PARP11: variants seen among roughly 807,000 people sequenced by gnomAD.
PARP11 encodes protein mono-ADP-ribosyltransferase PARP11.
In PARP11, 31 loss-of-function variants were observed where a neutral mutation model predicts 42.9. The observed-to-expected ratio is 0.72, with a 90% CI of 0.54 to 0.98. PARP11 has a LOEUF of 0.98. Among genes scored for constraint, PARP11 ranks in the 50% least tolerant of loss-of-function variants. PARP11 has a pLI of 0.00. For synonymous variants in PARP11, 137 were observed against 127.3 expected (o/e 1.08, Z -0.51); for missense variants, 365 against 413.1 (o/e 0.88, Z 1.01).
At position 3,823,448 on chromosome 12, in the gene PARP11, A is replaced by G. The variant is rs77389892; in HGVS notation, c.345-1291T>C. On this transcript the variant is annotated intron_variant, in intron 4 of 7. Transcript: ENST00000228820. ...AGCTTCTTAGAGATCTTTCTGTAAC[A>G]GTGCATAGAGAGCATCATTATTCCT... Among the ~76,000 whole-genome samples, 1,018 of 152,310 alleles carry G rather than the reference A, an allele frequency of 6.7e-3. 4 individuals carry two copies. Among genetic ancestry groups the G allele is most frequent in the Non-Finnish European group, 0.011 (720 of 68,028 alleles).
At chr12:3,813,057 G>A (rs1040059856) in intron 7 of PARP11, among the ~76,000 whole-genome samples, 3 of 151,914 alleles carry the variant, frequency 2.0e-5, no homozygotes, top group Non-Finnish European at 2.9e-5. Context: ...CACCTGCCTC[G>A]ACCTCCCAAA....
intron 1 of PARP11, among the ~76,000 whole-genome samples, chr12:3,848,863 A>G (rs1948045245): frequency 6.6e-6 from 1 of 152,130 alleles, no homozygotes; most frequent in Middle Eastern, 3.2e-3. Flanking sequence ...AAGTGAAGAA[A>G]CAAGTCACAG....
At chr12:3,813,161 A>G (rs1375715842) in intron 7 of PARP11, among the ~76,000 whole-genome samples, 1 of 151,316 alleles carries the variant, frequency 6.6e-6, no homozygotes, top group Non-Finnish European at 1.5e-5. Flanking sequence ...CCACTTCCTC[A>G]CCCTGTTCCC....
intron 1 of PARP11, chr12:3,839,782 TCTG>T: frequency 8.8e-7 from 1 of 1,134,938 alleles, no homozygotes; most frequent in South Asian, 1.2e-5. Flanking sequence ...TAAAGAAAGC[TCTG>T]CTATGTGTCA....
intron 1 of PARP11, among the ~76,000 whole-genome samples, chr12:3,839,162 G>T (rs1023520654): frequency 7.1e-6 from 1 of 140,828 alleles, no homozygotes; most frequent in Admixed American, 7.0e-5. Flanking sequence ...GGCCGCCGCC[G>T]CCGCCTGCCG....
intron 7 of PARP11, among the ~76,000 whole-genome samples, chr12:3,812,652 C>T (rs575769693): frequency 5.3e-5 from 8 of 152,288 alleles, no homozygotes; most frequent in East Asian, 1.9e-4. Flanking sequence ...TTTGTTGGTA[C>T]AGACCAGTCC....
At chr12:3,868,757 C>T (rs548728872) in intron 1 of PARP11, among the ~76,000 whole-genome samples, 2 of 152,290 alleles carry the variant, frequency 1.3e-5, no homozygotes, top group South Asian at 4.1e-4. Context: ...GTCCAAGTCA[C>T]CTTCGTCTCT....
chr12:3,837,244 G>T (rs958468230), intron 1 of PARP11, among the ~76,000 whole-genome samples: 2 of 152,204 alleles, frequency 1.3e-5, no homozygotes, highest in Middle Eastern at 3.4e-3. Context: ...ACTCAGCATG[G>T]GCAGTGTCCT....
intron 1 of PARP11, chr12:3,839,353 C>A: frequency 6.5e-7 from 1 of 1,528,092 alleles, no homozygotes. Context: ...CGGCGCGGGG[C>A]CCCGCGAGGA....
chr12:3,856,338 C>T (rs1472369091), intron 1 of PARP11, among the ~76,000 whole-genome samples: 5 of 152,116 alleles, frequency 3.3e-5, no homozygotes, highest in Admixed American at 1.3e-4. Context: ...AGGCAACCTA[C>T]AGAATGGGAA....
intron 1 of PARP11, among the ~76,000 whole-genome samples, chr12:3,835,296 A>G (rs1947736018): frequency 6.6e-6 from 1 of 152,200 alleles, no homozygotes; most frequent in Non-Finnish European, 1.5e-5. Flanking sequence ...TAAGAGGGGA[A>G]AAGTCTGAGC....
chr12:3,814,525 A>C (rs1191203119), intron 6 of PARP11, among the ~76,000 whole-genome samples: 1 of 152,226 alleles, frequency 6.6e-6, no homozygotes, highest in African/African-American at 2.4e-5. Flanking sequence ...ACAACAAACA[A>C]GTAATACAAA....
intron 1 of PARP11, among the ~76,000 whole-genome samples, chr12:3,847,799 A>G (rs974902956): frequency 6.6e-6 from 1 of 152,222 alleles, no homozygotes; most frequent in Non-Finnish European, 1.5e-5. Context: ...GTTACTCAAC[A>G]TGATATTGGA....
At chr12:3,824,515 T>G (rs961656242) in intron 4 of PARP11, 19 of 309,768 alleles carry the variant, frequency 6.1e-5, no homozygotes, top group Non-Finnish European at 8.0e-5. Flanking sequence ...GCTCAATGTA[T>G]TCCCACAGTA....
Position 3,840,180 on chromosome 12 carries a change from G to C in PARP11, c.19-10162C>G. On this transcript the variant is annotated intron_variant, in intron 1 of 7. Transcript: ENST00000228820. The surrounding 1 kb of genome is among the most constrained non-coding windows in gnomAD (Gnocchi z 4.4). ...AAGTTGGAGACAAATGTCAAGTTAGGTTGGATCACAATGGAAAATTTTTGA... is the reference window on the plus strand; with the variant it reads ...AAGTTGGAGACAAATGTCAAGTTAGCTTGGATCACAATGGAAAATTTTTGA... The C allele has an allele frequency of 6.2e-7, 1 of 1,611,072 alleles. No individual in the cohort carries two copies. The highest frequency in any genetic ancestry group is 8.5e-7 in the Non-Finnish European group (1 of 1,177,196).
chr12:3,819,510 A>G (rs1947353205), intron 6 of PARP11, among the ~76,000 whole-genome samples: 1 of 152,198 alleles, frequency 6.6e-6, no homozygotes, highest in African/African-American at 2.4e-5. Context: ...TTAACAATCA[A>G]AAATGACTCC....
At position 3,822,151 on chromosome 12, in the gene PARP11, G is replaced by A; in HGVS notation, c.351C>T (p.Ile117=). Residue 117 remains isoleucine, a synonymous_variant, in exon 5 of 8, where the codon ATC becomes ATT. Transcript: ENST00000228820. The part of the protein sequence containing the change: ...APFSISAFSY[I]CENEAIPMPP... ...GCATAGGGATGGCCTCGTTTTCACA[G>A]ATGTAACTTGAAACAGCAAAAGAGA... 1 of 1,612,646 alleles carries A rather than the reference G, an allele frequency of 6.2e-7. No homozygotes were observed. The highest frequency in any genetic ancestry group is 2.2e-5 in the East Asian group (1 of 44,870).
At position 3,815,116 on chromosome 12, in the gene PARP11, G is replaced by A. The variant is rs1947259780; in HGVS notation, c.549-928C>T. On this transcript the variant is annotated intron_variant, in intron 6 of 7. Coordinates refer to ENST00000228820, the MANE Select transcript of PARP11 (RefSeq NM_020367.6). The stretch of plus-strand genomic sequence containing the variant: ...TGTTAAATCTGATTGGTAGATACAT[G>A]GGAGTCTGCAAACTATTTGCTGCAT... 6.6e-6 allele frequency: 3 copies of A among 451,434 alleles called. No individual in the cohort carries two copies. The Admixed American group carries it at 7.3e-5, about 11-fold the overall frequency. 28.0% of individuals were successfully genotyped at this position (451,434 alleles called of 1,614,324 possible).
chr12:3,866,826 T>C (rs1948401071), intron 1 of PARP11, among the ~76,000 whole-genome samples: 3 of 152,188 alleles, frequency 2.0e-5, no homozygotes, highest in African/African-American at 7.2e-5. Context: ...TTGACCAAAA[T>C]TCTTTATTAA....
Sources: gnomAD v4.1 joint callset for allele counts (sites outside exome capture counted in the v4.1 genomes callset) on GRCh38, gnomAD v4.1.1 for gene constraint, Gnocchi (gnomAD v3.1) non-coding constraint, MANE v1.5 for transcripts, NCBI Gene and HGNC (gene_info 2026-07-23, HGNC 2026-07-21) for gene names.